Variants in STRADB observed in about 807,000 individuals in gnomAD.
STRADB encodes the protein STE20 related adaptor beta, also known as STE20-related kinase adapter protein beta.
STRADB carries 34 observed loss-of-function variants against 52.1 expected under a neutral mutation model. The ratio of observed to expected loss-of-function variants is 0.65; its 90% CI spans 0.50 to 0.87. The LOEUF (loss-of-function observed/expected upper bound fraction) is 0.87. Among genes scored for constraint, STRADB ranks in the 40% least tolerant of loss-of-function variants. The pLI is 0.00. For synonymous variants in STRADB, 133 were observed against 174.5 expected, an observed-to-expected ratio of 0.76 and a Z score of 1.87; for missense variants, 340 against 483.9, an observed-to-expected ratio of 0.70 and a Z score of 2.79.
chr2:201,478,136 C>T lies in STRADB; in HGVS notation c.770C>T (p.Thr257Ile). The part of the protein sequence containing the change: ...VKSDIYSVGI[T>I]ACELASGQVP... ...TCAGATATTTACAGTGTTGGGATTACAGCATGTGAATTAGCCAGTGGGCAG... is the reference window on the plus strand; with the variant it reads ...TCAGATATTTACAGTGTTGGGATTATAGCATGTGAATTAGCCAGTGGGCAG... Residue 257 changes from threonine (T) to isoleucine (I), a missense_variant, in exon 9 of 12, where the codon ACA becomes ATA. Thr to Ile is a moderately conservative substitution (Grantham distance 89, BLOSUM62 -1). Transcript: ENST00000194530. 6.2e-7 allele frequency: 1 copy of T among 1,613,808 alleles called. No homozygotes were observed. The highest frequency in any genetic ancestry group is 1.1e-5 in the South Asian group (1 of 90,946).
At chr2:201,460,240 T>C (rs182910527) in intron 3 of STRADB, among the ~76,000 whole-genome samples, 1 of 151,796 alleles carries the variant, frequency 6.6e-6, no homozygotes, top group Non-Finnish European at 1.5e-5. Context: ...AGGGGTTTTT[T>C]AAAAAAAAAT....
chr2:201,479,278 A>G, intron 10 of STRADB: 1 of 522,892 alleles, frequency 1.9e-6, no homozygotes, highest in Non-Finnish European at 3.4e-6. Context: ...TGTGCAGTAA[A>G]TGTTGAGTAT....
At chr2:201,457,758 G>A (rs536841603) in intron 2 of STRADB, among the ~76,000 whole-genome samples, 6 of 152,230 alleles carry the variant, frequency 3.9e-5, no homozygotes, top group Middle Eastern at 3.4e-3. Flanking sequence ...GGTGGCTCAC[G>A]CCTATAATCC....
intron 3 of STRADB, among the ~76,000 whole-genome samples, chr2:201,464,859 C>T (rs1952274020): frequency 6.6e-6 from 1 of 152,240 alleles, no homozygotes; most frequent in Non-Finnish European, 1.5e-5. Context: ...AGGAGTCTCT[C>T]CTCATGGCCA....
At chr2:201,478,840 G>A (rs759389432) in intron 10 of STRADB, among the ~76,000 whole-genome samples, 12 of 151,970 alleles carry the variant, frequency 7.9e-5, no homozygotes, top group Non-Finnish European at 1.0e-4. Context: ...TTGGGAGGCC[G>A]AGGCGGGTGG....
intron 2 of STRADB, among the ~76,000 whole-genome samples, chr2:201,455,085 C>G (rs1490521426): frequency 6.6e-6 from 1 of 152,088 alleles, no homozygotes. Context: ...TCTTTTGTCC[C>G]ATATCTACTT....
chr2:201,479,266 T>C (rs1559470078), intron 10 of STRADB: 1 of 491,810 alleles, frequency 2.0e-6, no homozygotes, highest in Non-Finnish European at 3.6e-6. Context: ...CAGTAAATAC[T>C]GTGTGCAGTA....
chr2:201,474,393 T>C (rs2882160), intron 5 of STRADB, among the ~76,000 whole-genome samples: 4,931 of 152,298 alleles, frequency 0.032, 423 homozygotes, highest in East Asian at 0.25. Flanking sequence ...CACATTCTAC[T>C]TCCACTTCTT....
intron 2 of STRADB, 35 bp downstream of exon 2, chr2:201,454,887 T>A: frequency 6.3e-7 from 1 of 1,597,154 alleles, no homozygotes; most frequent in Non-Finnish European, 8.5e-7. Flanking sequence ...GATTTTGTTC[T>A]GTCAGAGTAG....
chr2:201,454,745 G>T lies in STRADB; in HGVS notation c.-95-1G>T. The T allele has an allele frequency of 8.2e-7, 1 of 1,216,690 alleles. No homozygotes were observed. Among genetic ancestry groups the T allele is most frequent in the African/African-American group, 1.5e-5 (1 of 65,504 alleles). The allele number at this position is 1,216,690 out of a possible 1,614,324, so 75.4% of individuals were successfully genotyped here. A position where few individuals can be genotyped will look rare whatever the true frequency, so the allele number is the denominator to read the frequency against. On this transcript the variant is annotated splice_acceptor_variant, in intron 1 of 11. Transcript: ENST00000194530. LOFTEE classifies it low-confidence loss of function (5UTR_SPLICE). ...AATTATTTTGCTTTTGTTTTTTATA[G>T]TAGGATATATCTGCATCTTGAAAGG...
Position 201,475,558 on chromosome 2 carries a change from A to G in STRADB, c.425-61A>G. 5 of 1,606,980 alleles carry G rather than the reference A, an allele frequency of 3.1e-6. No individual in the cohort carries two copies. The Admixed American group carries it at 8.4e-5, about 27-fold the overall frequency. On this transcript the variant is annotated intron_variant, in intron 6 of 11. Coordinates refer to ENST00000194530, the MANE Select transcript of STRADB (RefSeq NM_018571.6). The stretch of plus-strand genomic sequence containing the variant: ...GTTTATGGTTGAAAAGAACATTAAA[A>G]TACAGCTGGAAGCAAAATCACTTTC...
intron 3 of STRADB, among the ~76,000 whole-genome samples, chr2:201,463,925 T>TA (rs1485906601): frequency 1.3e-5 from 2 of 152,140 alleles, no homozygotes; most frequent in Admixed American, 6.5e-5. Context: ...GCTTGATTTT[T>TA]AAAAAATTAT....
intron 2 of STRADB, among the ~76,000 whole-genome samples, chr2:201,456,642 T>A (rs987011582): frequency 6.6e-6 from 1 of 152,198 alleles, no homozygotes; most frequent in Non-Finnish European, 1.5e-5. Flanking sequence ...TAAGGATTCC[T>A]CCCCATTCAA....
At chr2:201,467,599 CT>C (rs1030063072) in intron 3 of STRADB, among the ~76,000 whole-genome samples, 10 of 152,184 alleles carry the variant, frequency 6.6e-5, no homozygotes, top group African/African-American at 2.4e-4. Context: ...CTATATTAGT[CT>C]TTTGGCCACT....
chr2:201,454,728 T>C lies in STRADB; in HGVS notation c.-95-18T>C. 2.9e-6 allele frequency: 3 copies of C among 1,024,692 alleles called. No homozygotes were observed. The South Asian group carries it at 5.6e-5, about 19-fold the overall frequency. The allele number at this position is 1,024,692 out of a possible 1,614,324, so 63.5% of individuals were successfully genotyped here. ...ACTTTTATGTGAATCTAAATTATTTTGCTTTTGTTTTTTATAGTAGGATAT... is the reference window on the plus strand; with the variant it reads ...ACTTTTATGTGAATCTAAATTATTTCGCTTTTGTTTTTTATAGTAGGATAT... On this transcript the variant is annotated intron_variant, in intron 1 of 11. Transcript: ENST00000194530.
In STRADB at chr2:201,475,595, A is replaced by G. The variant is rs200634284; in HGVS notation, c.425-24A>G. On this transcript the variant is annotated intron_variant, in intron 6 of 11. Coordinates refer to ENST00000194530, the MANE Select transcript of STRADB (RefSeq NM_018571.6). ...GCAAAATCACTTTCAATGTTCATCT[A>G]AGGATTTTAGGGGTTTCTTTCAGGT... 2.7e-4 allele frequency: 441 copies of G among 1,611,616 alleles called. 4 individuals carry two copies. In the Middle Eastern group the frequency reaches 7.5e-3, roughly 27 times the overall value.
At position 201,480,318 on chromosome 2, in the gene STRADB, T is replaced by A; in HGVS notation, c.*143T>A. On this transcript the variant is annotated 3_prime_UTR_variant, in exon 12 of 12. Transcript: ENST00000194530. ...GAATCTATTATTTAAAACCACTCTG[T>A]TCAAAGGGGCACCAGTTTGTAGTCC... 6.7e-7 allele frequency: 1 copy of A among 1,496,032 alleles called. No individual in the cohort carries two copies. Among genetic ancestry groups the A allele is most frequent in the South Asian group, 1.4e-5 (1 of 71,822 alleles). 92.7% of individuals were successfully genotyped at this position (1,496,032 alleles called of 1,614,324 possible). A position where few individuals can be genotyped will look rare whatever the true frequency, so the allele number is the denominator to read the frequency against.
Position 201,479,463 on chromosome 2 carries a change from T to C in STRADB, c.1071-26T>C, listed in dbSNP as rs751810293. The C allele has an allele frequency of 6.9e-6, 11 of 1,586,910 alleles. No individual in the cohort carries two copies. The Admixed American group carries it at 1.9e-4, about 27-fold the overall frequency. On this transcript the variant is annotated intron_variant, in intron 10 of 11. Coordinates refer to ENST00000194530, the MANE Select transcript of STRADB (RefSeq NM_018571.6). Reference sequence around the variant, plus strand: ...CTACATTCTAATATAAAGGTTTTTTTTTTATAACTTTCTTAAAAATTTCAG... The same window carrying C: ...CTACATTCTAATATAAAGGTTTTTTCTTTATAACTTTCTTAAAAATTTCAG...
chr2:201,469,676 A>G lies in STRADB; in HGVS notation c.94-277A>G, dbSNP rs7573536. On this transcript the variant is annotated intron_variant, in intron 3 of 11. Transcript: ENST00000194530. ...TCCTGAAGAATTAACATTCTTCGCA[A>G]CTCCTAAACATTTTACTGGAAATTA... Among the ~76,000 whole-genome samples the G allele has an allele frequency of 0.56, 84,564 of 151,942 alleles. 24,627 individuals carry two copies. Among genetic ancestry groups the G allele is most frequent in the Non-Finnish European group, 0.66 (44,555 of 67,930 alleles).
Sources: allele counts gnomAD v4.1 joint callset (sites outside exome capture counted in the v4.1 genomes callset), GRCh38; gene constraint gnomAD v4.1.1; transcripts MANE v1.5; gene names NCBI Gene and HGNC (gene_info 2026-07-23, HGNC 2026-07-21).